The following ADORA2B variants were observed in gnomAD, a reference collection of about 807,000 sequenced individuals.
ADORA2B encodes adenosine receptor A2b.
A neutral mutation model predicts 20.8 loss-of-function variants in ADORA2B; 18 were observed. The observed-to-expected ratio is 0.87, with a 90% CI of 0.60 to 1.29. The LOEUF (loss-of-function observed/expected upper bound fraction) is 1.29. ADORA2B is among the 50% of genes most tolerant of loss of function. The pLI, the probability that ADORA2B is intolerant of heterozygous loss-of-function variation, is 0.00. For missense variants in ADORA2B, 441 were observed against 422.7 expected, an observed-to-expected ratio of 1.04 and a Z score of -0.38; for synonymous variants, 179 against 178.3, an observed-to-expected ratio of 1.00 and a Z score of -0.03.
chr17:15,915,972 C>CA, the ADORA2B span, among the ~76,000 whole-genome samples: 2 of 152,210 alleles, frequency 1.3e-5, no homozygotes, highest in Non-Finnish European at 2.9e-5. Context: ...GCTGAAGAAT[C>CA]AGATTGGCCT....
At chr17:15,858,411 C>T in the ADORA2B span, among the ~76,000 whole-genome samples, 6 of 152,142 alleles carry the variant, frequency 3.9e-5, no homozygotes, top group South Asian at 4.1e-4. Context: ...CTTTTACACA[C>T]GTCCTTGAAT....
chr17:15,956,461 A>G (rs2151598972), intron 1 of ADORA2B, among the ~76,000 whole-genome samples: 1 of 152,114 alleles, frequency 6.6e-6, no homozygotes. Flanking sequence ...CTGGCCATCC[A>G]TGTTTCCAAT....
the ADORA2B span, among the ~76,000 whole-genome samples, chr17:15,884,646 C>T: frequency 6.6e-6 from 1 of 152,162 alleles, no homozygotes; most frequent in Non-Finnish European, 1.5e-5. Context: ...ATTCAACTCC[C>T]ACTTATAAGT....
At chr17:15,932,341 A>C in the ADORA2B span, among the ~76,000 whole-genome samples, 1 of 151,994 alleles carries the variant, frequency 6.6e-6, no homozygotes, top group African/African-American at 2.4e-5. Context: ...AAAAATACAA[A>C]AATTAGCTGG....
In ADORA2B at chr17:15,945,684, C is replaced by CCAGG. The variant is rs1485477557; in HGVS notation, c.335+103_335+106dup. On this transcript the variant is annotated intron_variant, in intron 1 of 1. Transcript: ENST00000304222. ...TCCTCCCTCGGGGGCCCCAGACGGG[C>CCAGG]CAGGCTGGGGGCGCGCGGGGCGCTT... The CCAGG allele has an allele frequency of 8.4e-6, 10 of 1,191,086 alleles. No individual in the cohort carries two copies. In the Admixed American group the frequency reaches 1.5e-4, roughly 17 times the overall value. 73.8% of individuals were successfully genotyped at this position (1,191,086 alleles called of 1,614,324 possible).
the ADORA2B span, among the ~76,000 whole-genome samples, chr17:15,896,767 C>T: frequency 6.6e-6 from 1 of 152,198 alleles, no homozygotes; most frequent in South Asian, 2.1e-4. Context: ...CTTTAGACAT[C>T]ACTTCCACCT....
the ADORA2B span, among the ~76,000 whole-genome samples, chr17:15,863,495 G>A: frequency 6.6e-5 from 10 of 152,110 alleles, no homozygotes; most frequent in African/African-American, 1.9e-4. Context: ...ACAGGTGTGC[G>A]CTACCATGCC....
the ADORA2B span, among the ~76,000 whole-genome samples, chr17:15,857,130 G>C: frequency 6.6e-6 from 1 of 152,242 alleles, no homozygotes; most frequent in Non-Finnish European, 1.5e-5. Flanking sequence ...GTGGCCAGAA[G>C]GGGCCAATGT....
the ADORA2B span, among the ~76,000 whole-genome samples, chr17:15,923,115 C>A: frequency 3.4e-5 from 5 of 145,148 alleles, no homozygotes; most frequent in Admixed American, 3.5e-4. Flanking sequence ...CTCTGCCTCC[C>A]AGGTTCAAGT....
chr17:15,852,586 T>G, the ADORA2B span, among the ~76,000 whole-genome samples: 1 of 152,086 alleles, frequency 6.6e-6, no homozygotes, highest in Non-Finnish European at 1.5e-5. Flanking sequence ...GATCCAGATA[T>G]TAGACACGGA....
At chr17:15,947,037 C>CT (rs1969816192) in intron 1 of ADORA2B, among the ~76,000 whole-genome samples, 1 of 152,164 alleles carries the variant, frequency 6.6e-6, no homozygotes, top group Admixed American at 6.5e-5. Flanking sequence ...CAGGAGCCTC[C>CT]TGCTTGGGAG....
In ADORA2B at chr17:15,962,640, T is replaced by C. The variant is rs575651926; in HGVS notation, c.336-12039T>C. Among the ~76,000 whole-genome samples, 11 of 152,336 alleles carry C rather than the reference T, an allele frequency of 7.2e-5. No individual in the cohort carries two copies. The South Asian group carries it at 2.1e-3, about 29-fold the overall frequency. ...TCTGCCTCCTAGGTTCAAGAGATTC[T>C]GTGGCCTCAGCCTCCTGAGTAGCTG... On this transcript the variant is annotated intron_variant, in intron 1 of 1. Coordinates refer to ENST00000304222, the MANE Select transcript of ADORA2B (RefSeq NM_000676.4).
the ADORA2B span, among the ~76,000 whole-genome samples, chr17:15,931,170 G>A: frequency 6.6e-6 from 1 of 152,110 alleles, no homozygotes; most frequent in Non-Finnish European, 1.5e-5. Context: ...TTTAAAAGGA[G>A]CCACACAGAT....
chr17:15,933,136 T>C, the ADORA2B span, among the ~76,000 whole-genome samples: 8 of 152,088 alleles, frequency 5.3e-5, no homozygotes, highest in African/African-American at 1.9e-4. Context: ...TTTATATCTT[T>C]AGTGGAGATG....
the ADORA2B span, among the ~76,000 whole-genome samples, chr17:15,923,529 C>T: frequency 2.6e-5 from 4 of 151,846 alleles, no homozygotes; most frequent in Admixed American, 6.6e-5. Context: ...CTCAACCTCC[C>T]GAGTAGCAGA....
At chr17:15,879,032 A>G in the ADORA2B span, among the ~76,000 whole-genome samples, 2 of 148,502 alleles carry the variant, frequency 1.3e-5, no homozygotes, top group African/African-American at 2.6e-5. Flanking sequence ...TTATTGATGA[A>G]GAGACATTTG....
chr17:15,970,929 G>A (rs1970182860), intron 1 of ADORA2B, among the ~76,000 whole-genome samples: 1 of 152,206 alleles, frequency 6.6e-6, no homozygotes, highest in Non-Finnish European at 1.5e-5. Flanking sequence ...TCATGGGGCA[G>A]AGCTGTCCTT....
At chr17:15,905,701 G>T in the ADORA2B span, among the ~76,000 whole-genome samples, 1 of 150,486 alleles carries the variant, frequency 6.6e-6, no homozygotes, top group South Asian at 2.1e-4. Flanking sequence ...TGTTGCCCAG[G>T]TTGGAGTGCA....
chr17:15,902,610 C>A, the ADORA2B span, among the ~76,000 whole-genome samples: 1 of 152,338 alleles, frequency 6.6e-6, no homozygotes, highest in East Asian at 1.9e-4. Flanking sequence ...TCATTTTCAT[C>A]CTGGCTGGAG....
Sources: gnomAD v4.1 joint callset for allele counts (sites outside exome capture counted in the v4.1 genomes callset) on GRCh38, gnomAD v4.1.1 for gene constraint, MANE v1.5 for transcripts, NCBI Gene and HGNC (gene_info 2026-07-23, HGNC 2026-07-21) for gene names.